The following SYT12 variants were observed in gnomAD, a reference collection of about 807,000 sequenced individuals.
The protein encoded by SYT12 is synaptotagmin 12.
Under a neutral mutation model 39.5 loss-of-function variants are expected in SYT12, and 27 were observed. That is an observed-to-expected ratio of 0.68 (90% CI 0.50 to 0.94). The LOEUF (loss-of-function observed/expected upper bound fraction) is 0.94, where lower values mean the gene tolerates loss of function less well. SYT12 is among the 40% of genes least tolerant of loss of function. The pLI is 0.00. For synonymous variants in SYT12, 233 were observed against 239.7 expected (o/e 0.97, Z 0.26); for missense variants, 536 against 572.6 (o/e 0.94, Z 0.65).
At chr11:67,029,981 C>G in intron 1 of SYT12, 141 bp from the exon 2 acceptor site, 1 of 640,530 alleles carries the variant, frequency 1.6e-6, no homozygotes, top group Admixed American at 2.9e-5. Context: ...CTTAAAATGC[C>G]AAGCCTCCCT....
At chr11:67,020,718 G>A (rs1950100344), upstream of SYT12, among the ~76,000 whole-genome samples, 1 of 152,146 alleles carries the variant, frequency 6.6e-6, no homozygotes, top group African/African-American at 2.4e-5. Flanking sequence ...TTGCTCAGCA[G>A]TACGTTTGTG....
intron 3 of SYT12, among the ~76,000 whole-genome samples, chr11:67,014,899 G>A (rs552063206): frequency 1.3e-5 from 2 of 152,038 alleles, no homozygotes; most frequent in African/African-American, 4.8e-5. Flanking sequence ...AGGCTGCCTT[G>A]GGTATATGCA....
chr11:67,016,909 G>A (rs528490622), intron 3 of SYT12, among the ~76,000 whole-genome samples: 1 of 152,314 alleles, frequency 6.6e-6, no homozygotes, highest in Admixed American at 6.5e-5. Context: ...CAGCACCAGC[G>A]CTGTTGAGGA....
At chr11:67,018,369 A>G (rs1269571430), upstream of SYT12, among the ~76,000 whole-genome samples, 2 of 152,150 alleles carry the variant, frequency 1.3e-5, no homozygotes, top group Non-Finnish European at 2.9e-5. Flanking sequence ...AGAAAAAGAA[A>G]AAAAAAATAG....
intron 5 of SYT12, 89 bp downstream of exon 5, chr11:67,043,942 G>T: frequency 1.7e-6 from 2 of 1,204,680 alleles, no homozygotes; most frequent in East Asian, 5.0e-5. Context: ...ATCATCCTCT[G>T]CAATAGCCTG....
chr11:67,024,261 A>C (rs1020801737), intron 1 of SYT12, among the ~76,000 whole-genome samples: 7 of 152,232 alleles, frequency 4.6e-5, no homozygotes, highest in Admixed American at 1.3e-4. Flanking sequence ...AGGGGATGAC[A>C]GTTTTAGAGA....
upstream of SYT12, among the ~76,000 whole-genome samples, chr11:67,021,399 C>T (rs992489349): frequency 2.0e-5 from 3 of 151,778 alleles, no homozygotes; most frequent in Non-Finnish European, 4.4e-5. Flanking sequence ...AGCCTATGCT[C>T]CCAGGTTCAA....
chr11:67,014,661 G>C (rs920880929), intron 3 of SYT12, among the ~76,000 whole-genome samples: 1 of 152,210 alleles, frequency 6.6e-6, no homozygotes, highest in African/African-American at 2.4e-5. Context: ...GTAGGACTGG[G>C]GTGGAGGTGG....
At chr11:67,030,285 T>C (rs894630706) in intron 2 of SYT12, 107 bp downstream of exon 2, 21 of 1,286,010 alleles carry the variant, frequency 1.6e-5, no homozygotes, top group Non-Finnish European at 2.2e-5. Flanking sequence ...TTGCCATTAA[T>C]GTCTTCACTG....
intron 3 of SYT12, among the ~76,000 whole-genome samples, chr11:67,036,003 C>G (rs1448867282): frequency 6.6e-6 from 1 of 151,196 alleles, no homozygotes; most frequent in Non-Finnish European, 1.5e-5. Context: ...CAACCTACAC[C>G]TCCTGGGTTC....
intron 3 of SYT12, among the ~76,000 whole-genome samples, 190 bp from the exon 4 acceptor site, chr11:67,039,621 A>G (rs1238162267): frequency 1.3e-5 from 2 of 152,216 alleles, no homozygotes; most frequent in African/African-American, 4.8e-5. Context: ...TCTCAAAAAA[A>G]TGAGTAAATA....
chr11:67,022,037 C>T (rs1184774332), upstream of SYT12: 14 of 152,044 alleles, frequency 9.2e-5, no homozygotes, highest in African/African-American at 3.4e-4. Flanking sequence ...CCTCAGCCTC[C>T]CGAGTAGCTG....
chr11:67,046,501 A>G (rs1854556512), intron 7 of SYT12, among the ~76,000 whole-genome samples: 1 of 152,204 alleles, frequency 6.6e-6, no homozygotes, highest in Non-Finnish European at 1.5e-5. Flanking sequence ...ACCTGCCTCC[A>G]TAGCCCCAGG....
Position 67,035,458 on chromosome 11 carries a change from C to CTT in SYT12, c.228+636_228+637dup, listed in dbSNP as rs1213047598. On this transcript the variant is annotated intron_variant, in intron 3 of 7. Transcript: ENST00000527043. ...TTCTTTTTCTTTTTCTTTTTCTTTT[C>CTT]TTTTTTTTTTTTTTTTTGAGACGGA... Among the ~76,000 whole-genome samples, 631 of 90,226 alleles carry CTT rather than the reference C, an allele frequency of 7.0e-3. 22 individuals carry two copies. Among genetic ancestry groups the CTT allele is most frequent in the African/African-American group, 0.026 (512 of 19,836 alleles). 59.2% of individuals were successfully genotyped at this position (90,226 alleles called of 152,430 possible).
upstream of SYT12, among the ~76,000 whole-genome samples, chr11:67,020,427 G>C (rs1234906408): frequency 2.0e-5 from 3 of 152,210 alleles, no homozygotes; most frequent in East Asian, 5.8e-4. Context: ...AGCCACATGA[G>C]ATGTGTTTGT....
chr11:67,033,715 G>A (rs901730488), intron 2 of SYT12, among the ~76,000 whole-genome samples: 1 of 152,212 alleles, frequency 6.6e-6, no homozygotes, highest in Non-Finnish European at 1.5e-5. Flanking sequence ...GCAGTTTAGA[G>A]AACTGTATTT....
At chr11:67,006,790 A>C (rs1251778101) in exon 1 of SYT12, 1 of 152,172 alleles carries the variant, frequency 6.6e-6, no homozygotes, top group African/African-American at 2.4e-5. Context: ...AGTTCTAGAA[A>C]ATGTTAATTG....
intron 4 of SYT12, 29 bp from the exon 5 acceptor site, chr11:67,043,609 A>G (rs776850132): frequency 1.4e-5 from 23 of 1,610,814 alleles, no homozygotes; most frequent in East Asian, 6.7e-5. Context: ...TCAGGCCCCT[A>G]GCGCCCTCCA....
At chr11:67,045,314 T>G (rs1590655638) in intron 6 of SYT12, among the ~76,000 whole-genome samples, 1 of 151,528 alleles carries the variant, frequency 6.6e-6, no homozygotes, top group African/African-American at 2.4e-5. Flanking sequence ...TCCAGGCAGG[T>G]GCGGCAAGGA....
Sources: gnomAD v4.1 joint callset for allele counts (sites outside exome capture counted in the v4.1 genomes callset) on GRCh38, gnomAD v4.1.1 for gene constraint, MANE v1.5 for transcripts, NCBI Gene and HGNC (gene_info 2026-07-23, HGNC 2026-07-21) for gene names.